The following PLEKHH2 variants were observed in gnomAD, a reference collection of about 807,000 sequenced individuals.
PLEKHH2 encodes pleckstrin homology domain-containing family H member 2.
In PLEKHH2, 129 loss-of-function variants were observed where a neutral mutation model predicts 187.9. The observed-to-expected ratio is 0.69, with a 90% confidence interval of 0.59 to 0.79. The LOEUF is 0.79. Ranked by LOEUF, PLEKHH2 falls within the 30% of genes least tolerant of loss-of-function variation. The pLI is 0.00. For missense variants in PLEKHH2, 2,076 were observed against 1,751.2 expected (o/e 1.19, Z -3.31); for synonymous variants, 686 against 605.6 (o/e 1.13, Z -1.95).
intron 11 of PLEKHH2, 91 bp downstream of exon 11, chr2:43,707,636 A>G: frequency 4.7e-6 from 7 of 1,476,172 alleles, no homozygotes; most frequent in Non-Finnish European, 6.4e-6. Flanking sequence ...TATTTTTTAA[A>G]TCCAAGAACT....
chr2:43,706,376 A>G lies in PLEKHH2; in HGVS notation c.1781A>G (p.Tyr594Cys), dbSNP rs1386933243. Residue 594 changes from tyrosine to cysteine, a missense_variant, in exon 10 of 30, where the codon TAC (tyrosine) becomes TGC (cysteine). Physicochemically the swap from Tyr to Cys is radical, Grantham distance 194. Coordinates refer to ENST00000282406, the MANE Select transcript of PLEKHH2 (RefSeq NM_172069.4). The stretch of plus-strand genomic sequence containing the variant: ...TCAGGACTTTATACATCTCTGATAT[A>G]CAAGAACATGACCACCCCAGTGTAT... Reference protein sequence around the residue: ...TTSGLYTSLIYKNMTTPVYTT... With the variant: ...TTSGLYTSLICKNMTTPVYTT... 6.2e-7 allele frequency: 1 copy of G among 1,609,148 alleles called. No homozygotes were observed. The highest frequency in any genetic ancestry group is 1.7e-5 in the Admixed American group (1 of 60,000).
intron 3 of PLEKHH2, 61 bp downstream of exon 3, chr2:43,678,986 G>T: frequency 1.7e-6 from 2 of 1,151,128 alleles, no homozygotes; most frequent in South Asian, 1.4e-5. Flanking sequence ...AGATTGTTTT[G>T]CTCATAATGG....
At chr2:43,679,205 T>C (rs1668033788) in intron 3 of PLEKHH2, among the ~76,000 whole-genome samples, 1 of 152,224 alleles carries the variant, frequency 6.6e-6, no homozygotes, top group Admixed American at 6.5e-5. Flanking sequence ...TTAAGTTTTG[T>C]ATATAAATAT....
Position 43,693,521 on chromosome 2 carries a change from C to T in PLEKHH2, c.336+858C>T, listed in dbSNP as rs555441905. ...CAGGTGGATCACGAGGTCAGGAGAT[C>T]GAGACCATCTGGCTAACATGGTGAA... On this transcript the variant is annotated intron_variant, in intron 4 of 29. Transcript: ENST00000282406. 5.9e-5 allele frequency among the ~76,000 whole-genome samples: 9 copies of T among 151,996 alleles called. No homozygotes were observed. The South Asian group carries it at 1.5e-3, about 25-fold the overall frequency.
chr2:43,677,852 G>C (rs548609353), intron 2 of PLEKHH2, among the ~76,000 whole-genome samples: 4 of 145,742 alleles, frequency 2.7e-5, no homozygotes, highest in Non-Finnish European at 6.1e-5. Flanking sequence ...CCTCCCTCCC[G>C]GACGGGGCGG....
intron 2 of PLEKHH2, among the ~76,000 whole-genome samples, chr2:43,654,497 G>C (rs928818251): frequency 2.0e-5 from 3 of 151,468 alleles, no homozygotes; most frequent in Non-Finnish European, 4.4e-5. Context: ...GCCCGGCCAG[G>C]TGTTGATTTT....
rs954263105 is a variant in PLEKHH2, at chr2:43,765,853, C to G, written c.*255C>G. 1 of 354,928 alleles carries G rather than the reference C, an allele frequency of 2.8e-6. No homozygotes were observed. The allele number at this position is 354,928 out of a possible 1,614,324, so 22.0% of individuals were successfully genotyped here. A position where few individuals can be genotyped will look rare whatever the true frequency, so the allele number is the denominator to read the frequency against. ...AGTAAGAATTCATCATTTTTTCCAT[C>G]TCCCTTCTCCCTTGTCATCAGACAC... On this transcript the variant is annotated 3_prime_UTR_variant, in exon 30 of 30. Transcript: ENST00000282406.
chr2:43,747,135 G>A (rs547773898), intron 24 of PLEKHH2, among the ~76,000 whole-genome samples: 4 of 111,132 alleles, frequency 3.6e-5, no homozygotes, highest in South Asian at 3.4e-4. Context: ...TCTCTCTCTC[G>A]GTGTTCACCG....
At chr2:43,693,565 G>T (rs1364814579) in intron 4 of PLEKHH2, among the ~76,000 whole-genome samples, 2 of 151,656 alleles carry the variant, frequency 1.3e-5, no homozygotes, top group African/African-American at 4.8e-5. Flanking sequence ...TCTGCTAAAA[G>T]TACAAAAAAT....
intron 2 of PLEKHH2, chr2:43,676,339 C>A: frequency 1.3e-6 from 2 of 1,572,292 alleles, no homozygotes; most frequent in Non-Finnish European, 1.7e-6. Flanking sequence ...GGCGTTAGGA[C>A]AGTGTGCCAG....
Position 43,676,202 on chromosome 2 carries a change from C to T in PLEKHH2, c.124-2661C>T, listed in dbSNP as rs370631960. 5 of 1,613,864 alleles carry T rather than the reference C, an allele frequency of 3.1e-6. No homozygotes were observed. The African/African-American group carries it at 4.0e-5, about 13-fold the overall frequency. On this transcript the variant is annotated intron_variant, in intron 2 of 29. Coordinates refer to ENST00000282406, the MANE Select transcript of PLEKHH2 (RefSeq NM_172069.4). ...TTAGGTGGACGAAGGTGATGGTGCTCGTGGTCTTGAGTTTGACCTCTGTGT... is the reference window on the plus strand; with the variant it reads ...TTAGGTGGACGAAGGTGATGGTGCTTGTGGTCTTGAGTTTGACCTCTGTGT...
chr2:43,706,977 C>G (rs1053600503), intron 10 of PLEKHH2, among the ~76,000 whole-genome samples: 9 of 152,224 alleles, frequency 5.9e-5, no homozygotes, highest in African/African-American at 2.2e-4. Context: ...GCGGGCGGAT[C>G]ACGAGGTCAG....
intron 12 of PLEKHH2, 45 bp downstream of exon 12, chr2:43,710,171 G>A (rs1238706895): frequency 6.2e-7 from 1 of 1,610,660 alleles, no homozygotes; most frequent in African/African-American, 1.3e-5. Context: ...GTCAGATTGA[G>A]CCTCCAAAAG....
At chr2:43,728,438 A>G (rs559211665) in intron 17 of PLEKHH2, among the ~76,000 whole-genome samples, 24 of 144,476 alleles carry the variant, frequency 1.7e-4, no homozygotes, top group African/African-American at 6.1e-4. Flanking sequence ...AGATCGCGCC[A>G]TTGCACTCCA....
intron 2 of PLEKHH2, among the ~76,000 whole-genome samples, chr2:43,657,774 A>T (rs1666866024): frequency 6.6e-6 from 1 of 152,236 alleles, no homozygotes; most frequent in Non-Finnish European, 1.5e-5. Context: ...ACCTCTGCAG[A>T]AGATGATCTC....
At chr2:43,648,333 C>G (rs944530629) in intron 2 of PLEKHH2, among the ~76,000 whole-genome samples, 1 of 151,906 alleles carries the variant, frequency 6.6e-6, no homozygotes, top group Non-Finnish European at 1.5e-5. Context: ...GGACTACAGG[C>G]ACATACCACC....
intron 22 of PLEKHH2, among the ~76,000 whole-genome samples, chr2:43,743,182 C>G (rs114999965): frequency 5.9e-5 from 9 of 152,170 alleles, no homozygotes; most frequent in Non-Finnish European, 1.2e-4. Flanking sequence ...AAAAACACTT[C>G]GGTTGGGGCT....
chr2:43,682,778 A>G (rs1318772737), intron 3 of PLEKHH2, among the ~76,000 whole-genome samples: 1 of 152,148 alleles, frequency 6.6e-6, no homozygotes, highest in Non-Finnish European at 1.5e-5. Context: ...TTCTGTTGCT[A>G]TGGATTTACC....
Position 43,745,947 on chromosome 2 carries a change from C to G in PLEKHH2, c.3637C>G (p.Leu1213Val). Reference sequence around the variant, plus strand: ...ATGTGAAGGTACAAGGACTGTTCGTCTGACATACAAAAACAGGTGTGTAAT... The same window carrying G: ...ATGTGAAGGTACAAGGACTGTTCGTGTGACATACAAAAACAGGTGTGTAAT... ...GKCEGTRTVR[L>V]TYKNRLYFSV... is the part of the protein sequence containing the mutation. The change falls in exon 24 of 30, where the codon CTG becomes GTG. Residue 1213 changes from leucine to valine, a missense_variant. Coordinates refer to ENST00000282406, the MANE Select transcript of PLEKHH2 (RefSeq NM_172069.4). 6.2e-7 allele frequency: 1 copy of G among 1,609,164 alleles called. No individual in the cohort carries two copies. The highest frequency in any genetic ancestry group is 8.5e-7 in the Non-Finnish European group (1 of 1,176,712).
Sources: gnomAD v4.1 joint callset for allele counts (sites outside exome capture counted in the v4.1 genomes callset) on GRCh38, gnomAD v4.1.1 for gene constraint, MANE v1.5 for transcripts, NCBI Gene and HGNC (gene_info 2026-07-23, HGNC 2026-07-21) for gene names.